MAP2K4: variants seen among roughly 807,000 people sequenced by gnomAD.
MAP2K4 encodes mitogen-activated protein kinase kinase 4.
MAP2K4 carries 4 observed loss-of-function variants against 48.5 expected under a neutral mutation model. The ratio of observed to expected loss-of-function variants is 0.08; its 90% CI spans 0.04 to 0.19. The LOEUF (loss-of-function observed/expected upper bound fraction) is 0.19. Among genes scored for constraint, MAP2K4 ranks in the 10% least tolerant of loss-of-function variants. The pLI is 1.00. For synonymous variants in MAP2K4, 166 were observed against 173.1 expected (o/e 0.96, Z 0.32); for missense variants, 258 against 493.3 (o/e 0.52, Z 4.52).
At chr17:12,117,234 C>T (rs1972531568) in intron 7 of MAP2K4, among the ~76,000 whole-genome samples, 1 of 152,084 alleles carries the variant, frequency 6.6e-6, no homozygotes, top group Non-Finnish European at 1.5e-5. Context: ...AAAAAACAAA[C>T]AAGAATGTCA....
chr17:12,056,189 T>C (rs1970277322), intron 2 of MAP2K4, among the ~76,000 whole-genome samples: 1 of 152,080 alleles, frequency 6.6e-6, no homozygotes, highest in Non-Finnish European at 1.5e-5. Context: ...CTGAACCATA[T>C]GTTGGAAGTC....
chr17:12,089,116 G>C (rs1971480434), intron 3 of MAP2K4, among the ~76,000 whole-genome samples: 1 of 151,990 alleles, frequency 6.6e-6, no homozygotes, highest in Non-Finnish European at 1.5e-5. Flanking sequence ...GTTTCACCGT[G>C]TTAGCCAGGA....
intron 2 of MAP2K4, chr17:12,069,973 A>T (rs1251816779): frequency 8.0e-6 from 1 of 125,674 alleles, no homozygotes; most frequent in Non-Finnish European, 1.5e-5. Flanking sequence ...GAGACAGTAA[A>T]ACAGCTTGGG....
chr17:12,032,279 C>A (rs1171124331), intron 1 of MAP2K4: 2 of 1,415,886 alleles, frequency 1.4e-6, no homozygotes, highest in African/African-American at 2.9e-5. Flanking sequence ...TTCAGATAAA[C>A]TTCTGTGAAA....
chr17:12,136,217 A>G (rs1973205058), intron 9 of MAP2K4, among the ~76,000 whole-genome samples: 1 of 152,196 alleles, frequency 6.6e-6, no homozygotes, highest in South Asian at 2.1e-4. Flanking sequence ...CACAAAAGAA[A>G]TGAGAATCAG....
At chr17:12,093,708 G>A (rs759888221) in intron 3 of MAP2K4, among the ~76,000 whole-genome samples, 8 of 151,880 alleles carry the variant, frequency 5.3e-5, no homozygotes, top group Non-Finnish European at 8.8e-5. Flanking sequence ...ATAGTGAGAG[G>A]TAGAAATCTT....
Position 12,095,649 on chromosome 17 carries a change from T to C in MAP2K4, c.468T>C (p.Ser156=), listed in dbSNP as rs2151561831. ...LMDLDVVMRS[S]DCPYIVQFYG... ...ATTTGGATGTAGTAATGCGGAGTAG[T>C]GATTGCCCATACATTGTTCAGTTTT... Residue 156 remains serine (S), a synonymous_variant, in exon 4 of 11, where the codon AGT becomes AGC. Coordinates refer to ENST00000353533, the MANE Select transcript of MAP2K4 (RefSeq NM_003010.4). 1 of 1,614,034 alleles carries C rather than the reference T, an allele frequency of 6.2e-7. No homozygotes were observed. The highest frequency in any genetic ancestry group is 2.2e-5 in the East Asian group (1 of 44,834).
At chr17:12,124,865 T>A (rs1270504449) in intron 7 of MAP2K4, 1 of 161,116 alleles carries the variant, frequency 6.2e-6, no homozygotes, top group Non-Finnish European at 1.4e-5. Flanking sequence ...TTAGTAGAGA[T>A]GGGGTTTCAC....
Position 12,131,103 on chromosome 17 carries a change from G to T in MAP2K4, c.1040+1816G>T, listed in dbSNP as rs568789500. On this transcript the variant is annotated intron_variant, in intron 9 of 10. Coordinates refer to ENST00000353533, the MANE Select transcript of MAP2K4 (RefSeq NM_003010.4). ...TATCATATTTAAATTTCATGATGGG[G>T]AGGATAAATAATGAAAAAAATACTG... 4.3e-3 allele frequency among the ~76,000 whole-genome samples: 657 copies of T among 152,128 alleles called. 2 individuals are homozygous for T. The highest frequency in any genetic ancestry group is 8.3e-3 in the Non-Finnish European group (561 of 67,994).
At chr17:12,095,430 AGAT>A (rs771392214) in intron 3 of MAP2K4, 142 bp from the exon 4 acceptor site, 18 of 826,678 alleles carry the variant, frequency 2.2e-5, no homozygotes, top group Non-Finnish European at 3.4e-5. Flanking sequence ...GTATAAGGAA[AGAT>A]GATAATTTTC....
chr17:12,119,737 C>T (rs1437177889), intron 7 of MAP2K4, among the ~76,000 whole-genome samples: 1 of 152,148 alleles, frequency 6.6e-6, no homozygotes, highest in Non-Finnish European at 1.5e-5. Flanking sequence ...GACATGTAAT[C>T]AACCTAAATG....
intron 8 of MAP2K4, among the ~76,000 whole-genome samples, chr17:12,127,919 A>C (rs971713058): frequency 1.3e-5 from 2 of 152,208 alleles, no homozygotes; most frequent in Non-Finnish European, 2.9e-5. Context: ...CAGTGTTCTG[A>C]GAGTTCTCTC....
At chr17:12,043,549 CCATTAT>C (rs1969863246) in intron 1 of MAP2K4, among the ~76,000 whole-genome samples, 1 of 152,014 alleles carries the variant, frequency 6.6e-6, no homozygotes, top group African/African-American at 2.4e-5. Flanking sequence ...TTGGGGGTTC[CCATTAT>C]CAAACTTGAC....
intron 2 of MAP2K4, among the ~76,000 whole-genome samples, chr17:12,078,060 G>C (rs1486301524): frequency 5.3e-5 from 8 of 152,138 alleles, no homozygotes; most frequent in Admixed American, 3.3e-4. Context: ...AGTCACATTT[G>C]GGGTTAGGGC....
chr17:12,116,236 T>TA (rs1491436369), intron 7 of MAP2K4, among the ~76,000 whole-genome samples: 1 of 152,224 alleles, frequency 6.6e-6, no homozygotes, highest in African/African-American at 2.4e-5. Context: ...TATTCAAATC[T>TA]AAAAAAATAT....
intron 2 of MAP2K4, among the ~76,000 whole-genome samples, chr17:12,066,799 C>T (rs990589389): frequency 4.6e-5 from 7 of 152,146 alleles, no homozygotes; most frequent in African/African-American, 1.7e-4. Flanking sequence ...ACGCCATTCT[C>T]CTGCCTCAGC....
intron 1 of MAP2K4, among the ~76,000 whole-genome samples, chr17:12,052,048 T>G (rs577832083): frequency 4.6e-5 from 7 of 152,276 alleles, no homozygotes; most frequent in African/African-American, 1.2e-4. Context: ...TTCCTTTTCC[T>G]CCTCAAAACT....
intron 8 of MAP2K4, among the ~76,000 whole-genome samples, chr17:12,127,278 GA>G (rs1048287361): frequency 1.3e-5 from 2 of 152,140 alleles, no homozygotes; most frequent in Non-Finnish European, 2.9e-5. Flanking sequence ...TTCTTCTTTA[GA>G]CAGGAGAGAA....
At position 12,143,784 on chromosome 17, in the gene MAP2K4, A is replaced by C; in HGVS notation, c.*2524A>C. The C allele has an allele frequency of 4.4e-6, 1 of 228,414 alleles. No homozygotes were observed. The highest frequency in any genetic ancestry group is 1.3e-3 in the Middle Eastern group (1 of 764). 14.1% of individuals were successfully genotyped at this position (228,414 alleles called of 1,614,324 possible). A position where few individuals can be genotyped will look rare whatever the true frequency, so the allele number is the denominator to read the frequency against. On this transcript the variant is annotated 3_prime_UTR_variant, in exon 11 of 11. Coordinates refer to ENST00000353533, the MANE Select transcript of MAP2K4 (RefSeq NM_003010.4). ...CAGACCCTGAGAGGGGAAAATCTTAAAGTAAATTACATTAAATTATCTGTG... is the reference window on the plus strand; with the variant it reads ...CAGACCCTGAGAGGGGAAAATCTTACAGTAAATTACATTAAATTATCTGTG...
Sources: allele counts gnomAD v4.1 joint callset (sites outside exome capture counted in the v4.1 genomes callset), GRCh38; gene constraint gnomAD v4.1.1; transcripts MANE v1.5; gene names NCBI Gene and HGNC (gene_info 2026-07-23, HGNC 2026-07-21).